The following KCNQ1 variants were observed in gnomAD, a reference collection of about 807,000 sequenced individuals.
KCNQ1 encodes the protein potassium voltage-gated channel subfamily KQT member 1.
A neutral mutation model predicts 72.4 loss-of-function variants in KCNQ1; 49 were observed. The observed-to-expected ratio is 0.68, with a 90% CI of 0.54 to 0.86. The LOEUF (loss-of-function observed/expected upper bound fraction) is 0.86, where lower values mean the gene tolerates loss of function less well. KCNQ1 is among the 40% of genes least tolerant of loss of function. The pLI, the probability that KCNQ1 is intolerant of heterozygous loss-of-function variation, is 0.00. For synonymous variants in KCNQ1, 450 were observed against 412.6 expected, an observed-to-expected ratio of 1.09 and a Z score of -1.10; for missense variants, 790 against 945.1, an observed-to-expected ratio of 0.84 and a Z score of 2.15.
rs1848830684 is a variant in KCNQ1, at chr11:2,603,123, C to T, written c.1393+14269C>T. Among the ~76,000 whole-genome samples the T allele has an allele frequency of 6.6e-6, 1 of 152,104 alleles. No individual in the cohort carries two copies. Among genetic ancestry groups the T allele is most frequent in the South Asian group, 2.1e-4 (1 of 4,820 alleles). ...GGCATACCTCAGAGATATTGTGGTT[C>T]GGTTCCAGTACACTGCAATGAAGCA... On this transcript the variant is annotated intron_variant, in intron 10 of 15. Transcript: ENST00000155840. The surrounding 1 kb of genome is among the most constrained non-coding windows in gnomAD (Gnocchi z 4.1).
intron 11 of KCNQ1, chr11:2,666,534 C>T (rs368459866): frequency 5.0e-6 from 2 of 398,584 alleles, no homozygotes; most frequent in Admixed American, 4.4e-5. Context: ...TCATCCACAT[C>T]ACTACTAATG....
At chr11:2,741,173 A>G (rs1846043035) in intron 11 of KCNQ1, among the ~76,000 whole-genome samples, 2 of 152,266 alleles carry the variant, frequency 1.3e-5, no homozygotes, top group South Asian at 4.1e-4. Flanking sequence ...GACAGGCCTC[A>G]GAGTGTCTCA....
rs188656646 is a variant in KCNQ1, at chr11:2,617,016, T to A, written c.1393+28162T>A. On this transcript the variant is annotated intron_variant, in intron 10 of 15. Coordinates refer to ENST00000155840, the MANE Select transcript of KCNQ1 (RefSeq NM_000218.3). This position sits in a 1 kb window ranked among gnomAD's most constrained non-coding sequence, Gnocchi z 4.6. ...CATATTTAGTGTATAAAACATACAG[T>A]TAAATCGTTAACATAGTGATGCAAA... 1.6e-4 allele frequency: 62 copies of A among 398,240 alleles called. No individual in the cohort carries two copies. Among genetic ancestry groups the A allele is most frequent in the African/African-American group, 1.2e-3 (57 of 48,714 alleles). 24.7% of individuals were successfully genotyped at this position (398,240 alleles called of 1,614,324 possible).
rs1851190457 is a variant in KCNQ1, at chr11:2,720,871, C to T, written c.1515-47973C>T. ...GAACGGCCTTGCTGGGAGTTGGGGC[C>T]TGGCCTGGACCTCGAGGCCACTGGG... On this transcript the variant is annotated intron_variant, in intron 11 of 15. Transcript: ENST00000155840. The surrounding 1 kb of genome is among the most constrained non-coding windows in gnomAD (Gnocchi z 5.1). 6.6e-6 allele frequency among the ~76,000 whole-genome samples: 1 copy of T among 152,084 alleles called. No homozygotes were observed. The highest frequency in any genetic ancestry group is 6.5e-5 in the Admixed American group (1 of 15,272).
Position 2,570,742 on chromosome 11 carries a change from A to G in KCNQ1, c.592A>G (p.Ile198Val), listed in dbSNP as rs199472700. The G allele has an allele frequency of 1.3e-5, 21 of 1,611,166 alleles. No homozygotes were observed. The highest frequency in any genetic ancestry group is 1.5e-5 in the Non-Finnish European group (18 of 1,179,974). ...WGRLRFARKP[I>V]SIIDLIVVVA... The stretch of plus-strand genomic sequence containing the variant: ...GCGGCTGCGCTTTGCCCGGAAGCCC[A>G]TTTCCATCATCGGTGAGTCATGCCT... The change falls in exon 3 of 16, where the codon ATT (isoleucine) becomes GTT (valine). Residue 198 changes from isoleucine to valine, a missense_variant. Ile to Val is a conservative substitution (Grantham distance 29). Transcript: ENST00000155840.
At chr11:2,686,993 A>T in intron 11 of KCNQ1, 1 of 398,662 alleles carries the variant, frequency 2.5e-6, no homozygotes, top group African/African-American at 2.1e-5. Context: ...CTGGGCCCTG[A>T]CTTGCTAAGA....
rs1461971171 is a variant in KCNQ1, at chr11:2,544,848, C to T, written c.477+16830C>T. Among the ~76,000 whole-genome samples the T allele has an allele frequency of 6.6e-6, 1 of 152,154 alleles. No homozygotes were observed. Among genetic ancestry groups the T allele is most frequent in the Admixed American group, 6.5e-5 (1 of 15,276 alleles). On this transcript the variant is annotated intron_variant, in intron 2 of 15. Coordinates refer to ENST00000155840, the MANE Select transcript of KCNQ1 (RefSeq NM_000218.3). The surrounding 1 kb of genome is among the most constrained non-coding windows in gnomAD (Gnocchi z 4.4). ...CTGGGCGGCTCATCCACTGCAGTGT[C>T]CAATACAAGTGAACACTGCTGTGTC...
At chr11:2,726,131 G>A (rs1845757843) in intron 11 of KCNQ1, among the ~76,000 whole-genome samples, 1 of 152,224 alleles carries the variant, frequency 6.6e-6, no homozygotes, top group Non-Finnish European at 1.5e-5. Flanking sequence ...GCCCACTAAG[G>A]AGGACCACCT....
At position 2,652,572 on chromosome 11, in the gene KCNQ1, T is replaced by G; in HGVS notation, c.1394-9389T>G. On this transcript the variant is annotated intron_variant, in intron 10 of 15. Transcript: ENST00000155840. The surrounding 1 kb of genome is among the most constrained non-coding windows in gnomAD (Gnocchi z 5.9). ...CCAGATTCCATTGTATATTAAAGTT[T>G]CCTAGGGCTGCTCTTGCTGCCTGGA... is the stretch of plus-strand genomic sequence containing the variant. 2.5e-6 allele frequency: 1 copy of G among 398,598 alleles called. No homozygotes were observed. The highest frequency in any genetic ancestry group is 4.4e-6 in the Non-Finnish European group (1 of 226,054). 24.7% of individuals were successfully genotyped at this position (398,598 alleles called of 1,614,324 possible). A position where few individuals can be genotyped will look rare whatever the true frequency, so the allele number is the denominator to read the frequency against.
chr11:2,545,097 A>T (rs974763574), intron 2 of KCNQ1, among the ~76,000 whole-genome samples: 1 of 152,220 alleles, frequency 6.6e-6, no homozygotes. Flanking sequence ...AATTACACTG[A>T]TTCATTTTCA....
chr11:2,581,101 G>T (rs1319323610), intron 6 of KCNQ1, among the ~76,000 whole-genome samples: 1 of 152,240 alleles, frequency 6.6e-6, no homozygotes, highest in Admixed American at 6.5e-5. Context: ...GGATTAGACA[G>T]ACTCTGGAGC....
chr11:2,656,628 T>C, intron 10 of KCNQ1: 3 of 398,666 alleles, frequency 7.5e-6, no homozygotes, highest in Non-Finnish European at 1.3e-5. Context: ...TTAAGTCATT[T>C]ATATTTTTCC....
chr11:2,768,776 CA>C lies in KCNQ1; in HGVS notation c.1515-67del. On this transcript the variant is annotated intron_variant, in intron 11 of 15. Coordinates refer to ENST00000155840, the MANE Select transcript of KCNQ1 (RefSeq NM_000218.3). The surrounding 1 kb of genome is among the most constrained non-coding windows in gnomAD (Gnocchi z 6.7). ...CAGTCTGCGTGCTCCTCAGGCAGTG[CA>C]GGGGCAGTGAGGGGATGACCAGCAC... 8.3e-7 allele frequency: 1 copy of C among 1,202,004 alleles called. No homozygotes were observed. Among genetic ancestry groups the C allele is most frequent in the Non-Finnish European group, 1.2e-6 (1 of 803,918 alleles). The allele number at this position is 1,202,004 out of a possible 1,614,324, so 74.5% of individuals were successfully genotyped here. A position where few individuals can be genotyped will look rare whatever the true frequency, so the allele number is the denominator to read the frequency against.
Position 2,663,675 on chromosome 11 carries a change from T to C in KCNQ1, c.1514+1594T>C. 1 of 398,702 alleles carries C rather than the reference T, an allele frequency of 2.5e-6. No homozygotes were observed. The highest frequency in any genetic ancestry group is 4.4e-6 in the Non-Finnish European group (1 of 226,106). The allele number at this position is 398,702 out of a possible 1,614,324, so 24.7% of individuals were successfully genotyped here. ...GGAGAGGGCCATCACCCACAGTCCA[T>C]CTAGCTGGGCAGCCAGGCCTTACCA... On this transcript the variant is annotated intron_variant, in intron 11 of 15. Coordinates refer to ENST00000155840, the MANE Select transcript of KCNQ1 (RefSeq NM_000218.3). The surrounding 1 kb of genome is among the most constrained non-coding windows in gnomAD (Gnocchi z 5.2).
At chr11:2,739,816 G>A (rs759583155) in intron 11 of KCNQ1, among the ~76,000 whole-genome samples, 1 of 152,246 alleles carries the variant, frequency 6.6e-6, no homozygotes, top group Non-Finnish European at 1.5e-5. Context: ...AGAGAGGGGA[G>A]GGGCAGGTTG....
At chr11:2,503,130 C>T (rs1847044072) in intron 1 of KCNQ1, among the ~76,000 whole-genome samples, 1 of 152,152 alleles carries the variant, frequency 6.6e-6, no homozygotes, top group Non-Finnish European at 1.5e-5. Flanking sequence ...TGGGCAAAGA[C>T]TGCTTGAGTA....
In KCNQ1 at chr11:2,785,541, C is replaced by G. The variant is rs10832699; in HGVS notation, c.1794+7504C>G. Among the ~76,000 whole-genome samples the G allele has an allele frequency of 0.25, 37,409 of 151,520 alleles. 4,680 individuals carry two copies. The highest frequency in any genetic ancestry group is 0.32 in the Admixed American group (4,811 of 15,252). On this transcript the variant is annotated intron_variant, in intron 15 of 15. Transcript: ENST00000155840. This position sits in a 1 kb window ranked among gnomAD's most constrained non-coding sequence, Gnocchi z 4.4. ...TTAAATCCTTTTCTTTTTAATCCTA[C>G]AACCGTAGGATTTCAGGTTTGTCTT...
chr11:2,761,469 G>C (rs1045028689), intron 11 of KCNQ1, among the ~76,000 whole-genome samples: 18 of 152,182 alleles, frequency 1.2e-4, no homozygotes, highest in African/African-American at 4.1e-4. Context: ...CTCGGGAAAT[G>C]CAACATTTGG....
At position 2,847,833 on chromosome 11, in the gene KCNQ1, G is replaced by GGTGGCAGCACCC. The variant is rs2134096974; in HGVS notation, c.1862_1873dup (p.Thr624_Pro625insArgGlySerThr). 6.4e-7 allele frequency: 1 copy of GGTGGCAGCACCC among 1,568,874 alleles called. No individual in the cohort carries two copies. Among genetic ancestry groups the GGTGGCAGCACCC allele is most frequent in the South Asian group, 1.2e-5 (1 of 85,450 alleles). On this transcript the variant is annotated inframe_insertion, in exon 16 of 16. Coordinates refer to ENST00000155840, the MANE Select transcript of KCNQ1 (RefSeq NM_000218.3). ...GCTTCACCAGCTGCTCTCCTTGCAC[G>GGTGGCAGCACCC]GTGGCAGCACCCCCGGCAGCGGCGG...
Sources: gnomAD v4.1 joint callset for allele counts (sites outside exome capture counted in the v4.1 genomes callset) on GRCh38, gnomAD v4.1.1 for gene constraint, Gnocchi (gnomAD v3.1) non-coding constraint, MANE v1.5 for transcripts, NCBI Gene and HGNC (gene_info 2026-07-23, HGNC 2026-07-21) for gene names.